The following ABTB3 variants were observed in gnomAD, a reference collection of about 807,000 sequenced individuals.
ABTB3 encodes the protein ankyrin repeat- and BTB/POZ domain-containing protein 3.
At chr12:107,654,415 C>T in the ABTB3 span, among the ~76,000 whole-genome samples, 1 of 152,194 alleles carries the variant, frequency 6.6e-6, no homozygotes, top group Non-Finnish European at 1.5e-5. Flanking sequence ...TCTCCTGCCT[C>T]AGCCTCCCAA....
chr12:107,459,242 G>A, the ABTB3 span, among the ~76,000 whole-genome samples: 1 of 152,204 alleles, frequency 6.6e-6, no homozygotes, highest in African/African-American at 2.4e-5. Context: ...GCTAGTCAGT[G>A]AGGGATCAGA....
At chr12:107,557,560 A>G in the ABTB3 span, among the ~76,000 whole-genome samples, 1 of 152,130 alleles carries the variant, frequency 6.6e-6, no homozygotes, top group Non-Finnish European at 1.5e-5. Context: ...TCTATTTATT[A>G]TTAAGCTTTT....
At chr12:107,631,548 T>C in the ABTB3 span, among the ~76,000 whole-genome samples, 1 of 152,192 alleles carries the variant, frequency 6.6e-6, no homozygotes, top group Admixed American at 6.5e-5. Context: ...AGTTCGTACC[T>C]GGTGTCTTAT....
At chr12:107,334,902 G>A in the ABTB3 span, among the ~76,000 whole-genome samples, 317 of 152,142 alleles carry the variant, frequency 2.1e-3, 6 homozygotes, top group Non-Finnish European at 1.8e-3. Flanking sequence ...TGCATCAGGT[G>A]GTATTTGAGG....
the ABTB3 span, among the ~76,000 whole-genome samples, chr12:107,654,782 G>A: frequency 6.8e-6 from 1 of 146,126 alleles, no homozygotes; most frequent in Non-Finnish European, 1.5e-5. Context: ...TTGGCTATCA[G>A]TAAATCAAAA....
At chr12:107,461,477 G>T in the ABTB3 span, among the ~76,000 whole-genome samples, 1 of 152,124 alleles carries the variant, frequency 6.6e-6, no homozygotes, top group African/African-American at 2.4e-5. Flanking sequence ...CAGGAGAGGG[G>T]CACAAGTTGT....
chr12:107,537,337 T>A, the ABTB3 span, among the ~76,000 whole-genome samples: 1 of 152,156 alleles, frequency 6.6e-6, no homozygotes, highest in African/African-American at 2.4e-5. Context: ...TGAATATAGT[T>A]AACAATAATG....
At chr12:107,584,292 T>C in the ABTB3 span, among the ~76,000 whole-genome samples, 131 of 152,224 alleles carry the variant, frequency 8.6e-4, 1 homozygote, top group Non-Finnish European at 1.3e-3. Flanking sequence ...GGTGTGTACA[T>C]AGCTGTCCCC....
the ABTB3 span, among the ~76,000 whole-genome samples, chr12:107,551,757 T>TC: frequency 4.8e-5 from 5 of 105,068 alleles, no homozygotes; most frequent in African/African-American, 2.1e-4. Flanking sequence ...ATAATCTTCT[T>TC]TTTTTTTTTT....
At chr12:107,320,617 G>A in the ABTB3 span, 3 of 455,996 alleles carry the variant, frequency 6.6e-6, no homozygotes, top group East Asian at 1.4e-4. Context: ...AAGCTTGCAC[G>A]GCCTAGACAG....
chr12:107,498,679 C>T, the ABTB3 span, among the ~76,000 whole-genome samples: 2 of 152,138 alleles, frequency 1.3e-5, no homozygotes, highest in Admixed American at 6.5e-5. Context: ...CCTCCCTCTT[C>T]CAGGTTTAAA....
chr12:107,484,917 A>AG, the ABTB3 span, among the ~76,000 whole-genome samples: 2 of 152,184 alleles, frequency 1.3e-5, no homozygotes, highest in Non-Finnish European at 2.9e-5. Flanking sequence ...GTTTGGGGAC[A>AG]GGGCAGAGAT....
the ABTB3 span, among the ~76,000 whole-genome samples, chr12:107,564,645 C>A: frequency 6.6e-6 from 1 of 152,216 alleles, no homozygotes; most frequent in Non-Finnish European, 1.5e-5. Context: ...TTTAACCCAA[C>A]AAACATTTAT....
the ABTB3 span, among the ~76,000 whole-genome samples, chr12:107,461,576 A>ACCCCGTTTGTGGGAATTTGTTACAGCAGC: frequency 2.0e-5 from 3 of 151,972 alleles, no homozygotes; most frequent in Admixed American, 1.3e-4. Context: ...GTTTTAAGCC[A>ACCCCGTTTGTGGGAATTTGTTACAGCAGC]CCCAGGAAAC....
chr12:107,601,449 A>T, the ABTB3 span, among the ~76,000 whole-genome samples: 1 of 72,010 alleles, frequency 1.4e-5, no homozygotes, highest in Admixed American at 1.3e-4. Flanking sequence ...TAAAGGGTGT[A>T]GTGTTTCTAT....
At chr12:107,348,331 T>C in the ABTB3 span, among the ~76,000 whole-genome samples, 3 of 152,084 alleles carry the variant, frequency 2.0e-5, no homozygotes, top group Admixed American at 1.3e-4. Flanking sequence ...TAACAGAGAC[T>C]TCCATTCAGT....
the ABTB3 span, among the ~76,000 whole-genome samples, chr12:107,336,165 C>A: frequency 1.3e-5 from 2 of 152,236 alleles, no homozygotes; most frequent in Non-Finnish European, 2.9e-5. Context: ...CCCAACCTTC[C>A]ATGCCAAAGT....
At chr12:107,617,681 A>G in the ABTB3 span, 1 of 511,408 alleles carries the variant, frequency 2.0e-6, no homozygotes. Flanking sequence ...TCACAGAGAG[A>G]CATCACTCTT....
chr12:107,389,881 T>C, the ABTB3 span, among the ~76,000 whole-genome samples: 1 of 145,496 alleles, frequency 6.9e-6, no homozygotes, highest in Non-Finnish European at 1.5e-5. Context: ...TGTGTGTGTG[T>C]GTATGTATCT....
Sources: allele counts gnomAD v4.1 joint callset (sites outside exome capture counted in the v4.1 genomes callset), GRCh38; gene constraint gnomAD v4.1.1; transcripts MANE v1.5; gene names NCBI Gene and HGNC (gene_info 2026-07-23, HGNC 2026-07-21).